RAB3C: variants seen among roughly 807,000 people sequenced by gnomAD.
The protein encoded by RAB3C is ras-related protein Rab-3C.
A neutral mutation model predicts 26.4 loss-of-function variants in RAB3C; 17 were observed. That is an observed-to-expected ratio of 0.64 (90% confidence interval 0.44 to 0.97). RAB3C has a LOEUF of 0.97. Ranked by LOEUF, RAB3C falls within the 50% of genes least tolerant of loss-of-function variation. The pLI, the probability that RAB3C is intolerant of heterozygous loss-of-function variation, is 0.00. For missense variants in RAB3C, 242 were observed against 281.9 expected (o/e 0.86, Z 1.01); for synonymous variants, 91 against 95.9 (o/e 0.95, Z 0.30).
At chr5:58,789,351 C>T (rs1412601173) in intron 3 of RAB3C, among the ~76,000 whole-genome samples, 1 of 152,112 alleles carries the variant, frequency 6.6e-6, no homozygotes, top group African/African-American at 2.4e-5. Flanking sequence ...AGACCCCAAA[C>T]CAGATACCCT....
intron 3 of RAB3C, among the ~76,000 whole-genome samples, chr5:58,765,788 C>T (rs562328972): frequency 8.5e-5 from 13 of 152,176 alleles, no homozygotes; most frequent in East Asian, 1.9e-4. Context: ...TTTGTGTCCC[C>T]GCCCAAATTT....
intron 2 of RAB3C, among the ~76,000 whole-genome samples, chr5:58,682,757 A>G (rs1181817284): frequency 2.0e-5 from 3 of 152,088 alleles, no homozygotes; most frequent in Non-Finnish European, 2.9e-5. Context: ...GTATATAACT[A>G]TTATGAGGGA....
At chr5:58,666,034 C>G (rs938884205) in intron 2 of RAB3C, among the ~76,000 whole-genome samples, 3 of 152,078 alleles carry the variant, frequency 2.0e-5, no homozygotes, top group Admixed American at 6.6e-5. Context: ...GCCTGCACTG[C>G]AAATTCATCT....
chr5:58,786,306 T>A (rs577356359), intron 3 of RAB3C, among the ~76,000 whole-genome samples: 1 of 152,218 alleles, frequency 6.6e-6, no homozygotes, highest in South Asian at 2.1e-4. Context: ...ACCTTCAAAT[T>A]TGGCTATAGT....
intron 2 of RAB3C, among the ~76,000 whole-genome samples, chr5:58,707,771 T>A (rs1748974090): frequency 6.6e-6 from 1 of 152,162 alleles, no homozygotes; most frequent in African/African-American, 2.4e-5. Flanking sequence ...ATGTAATTTA[T>A]AAATAAATTC....
chr5:58,616,643 A>G (rs1746830992), intron 1 of RAB3C, among the ~76,000 whole-genome samples: 1 of 152,176 alleles, frequency 6.6e-6, no homozygotes, highest in Non-Finnish European at 1.5e-5. Context: ...TTACAGCTGT[A>G]TCATCTATTA....
At chr5:58,656,665 A>G (rs535866607) in intron 2 of RAB3C, among the ~76,000 whole-genome samples, 1 of 152,354 alleles carries the variant, frequency 6.6e-6, no homozygotes, top group South Asian at 2.1e-4. Flanking sequence ...AAGATAGGTT[A>G]AGTGGATAAA....
chr5:58,784,768 T>G (rs1742340002), intron 3 of RAB3C: 1 of 152,084 alleles, frequency 6.6e-6, no homozygotes, highest in East Asian at 1.9e-4. Flanking sequence ...TTGAAAAGAG[T>G]CAATGAGCTT....
intron 3 of RAB3C, among the ~76,000 whole-genome samples, chr5:58,751,933 C>T (rs181966553): frequency 2.6e-5 from 4 of 152,116 alleles, no homozygotes; most frequent in East Asian, 1.9e-4. Flanking sequence ...GAGTTCAGCC[C>T]AATACAGAAT....
intron 2 of RAB3C, among the ~76,000 whole-genome samples, chr5:58,642,318 G>A (rs1292028777): frequency 6.6e-6 from 1 of 152,158 alleles, no homozygotes; most frequent in Non-Finnish European, 1.5e-5. Context: ...GTACACGGTA[G>A]CACCAAAGCT....
chr5:58,718,021 A>G lies in RAB3C; in HGVS notation c.253-7981A>G, dbSNP rs1338627018. ...CCTGTTATCCTTTAAAACGCAATGCATTTGATCTAATGCAAGCATTTCTTA... is the reference window on the plus strand; with the variant it reads ...CCTGTTATCCTTTAAAACGCAATGCGTTTGATCTAATGCAAGCATTTCTTA... On this transcript the variant is annotated intron_variant, in intron 2 of 4. Coordinates refer to ENST00000282878, the MANE Select transcript of RAB3C (RefSeq NM_138453.4). 4.6e-5 allele frequency among the ~76,000 whole-genome samples: 7 copies of G among 152,122 alleles called. No individual in the cohort carries two copies. The East Asian group carries it at 1.4e-3, about 29-fold the overall frequency.
intron 3 of RAB3C, among the ~76,000 whole-genome samples, chr5:58,776,841 G>A (rs558901145): frequency 3.9e-5 from 6 of 152,166 alleles, no homozygotes; most frequent in African/African-American, 4.8e-5. Context: ...TACCTTACCC[G>A]GAAGTTTAGT....
At chr5:58,813,629 TATATAC>T (rs1561139487) in intron 3 of RAB3C, among the ~76,000 whole-genome samples, 2 of 12,748 alleles carry the variant, frequency 1.6e-4, no homozygotes, top group African/African-American at 3.5e-4. Flanking sequence ...TATATATATA[TATATAC>T]ACACACACAC....
intron 3 of RAB3C, among the ~76,000 whole-genome samples, chr5:58,727,275 TAC>T (rs138434460): frequency 2.2e-4 from 33 of 150,340 alleles, no homozygotes; most frequent in Admixed American, 8.0e-4. Context: ...ACTTCTTATT[TAC>T]ACACACACAC....
chr5:58,773,689 T>A (rs1033200901), intron 3 of RAB3C, among the ~76,000 whole-genome samples: 4 of 152,128 alleles, frequency 2.6e-5, no homozygotes, highest in Admixed American at 1.3e-4. Flanking sequence ...TGTCAATCAG[T>A]GGCATTCCTC....
chr5:58,607,601 C>T (rs1428654292), intron 1 of RAB3C, among the ~76,000 whole-genome samples: 7 of 152,086 alleles, frequency 4.6e-5, no homozygotes, highest in African/African-American at 1.7e-4. Context: ...AACCCCAAGA[C>T]ACATAATTGT....
At chr5:58,811,950 A>C (rs1052638357) in intron 3 of RAB3C, among the ~76,000 whole-genome samples, 1 of 151,994 alleles carries the variant, frequency 6.6e-6, no homozygotes, top group Non-Finnish European at 1.5e-5. Context: ...CAGTCTAGGC[A>C]TTTTCCTGAC....
intron 3 of RAB3C, among the ~76,000 whole-genome samples, chr5:58,822,116 CT>C (rs1242370288): frequency 3.3e-5 from 5 of 152,112 alleles, no homozygotes; most frequent in Admixed American, 3.3e-4. Context: ...AAAAATGTGG[CT>C]GATATAAAGG....
At chr5:58,807,045 C>T (rs995712147) in intron 3 of RAB3C, among the ~76,000 whole-genome samples, 4 of 152,158 alleles carry the variant, frequency 2.6e-5, no homozygotes, top group South Asian at 2.1e-4. Flanking sequence ...CAACCAGAAT[C>T]GCCTGAGTAA....
Sources: gnomAD v4.1 joint callset for allele counts (sites outside exome capture counted in the v4.1 genomes callset) on GRCh38, gnomAD v4.1.1 for gene constraint, MANE v1.5 for transcripts, NCBI Gene and HGNC (gene_info 2026-07-23, HGNC 2026-07-21) for gene names.